Variants in TBC1D22A observed in about 807,000 individuals in gnomAD.
TBC1D22A encodes the protein putative GTPase activator.
A neutral mutation model predicts 60.2 loss-of-function variants in TBC1D22A; 38 were observed. That is an observed-to-expected ratio of 0.63 (90% CI 0.49 to 0.83). The LOEUF (loss-of-function observed/expected upper bound fraction) is 0.83, where lower values mean the gene tolerates loss of function less well. TBC1D22A is among the 40% of genes least tolerant of loss of function. The pLI, the probability that TBC1D22A is intolerant of heterozygous loss-of-function variation, is 0.00. For synonymous variants in TBC1D22A, 302 were observed against 281.7 expected, an observed-to-expected ratio of 1.07 and a Z score of -0.72; for missense variants, 628 against 701.0, an observed-to-expected ratio of 0.90 and a Z score of 1.18.
At chr22:46,897,376 G>C (rs1041275939) in intron 7 of TBC1D22A, among the ~76,000 whole-genome samples, 14 of 152,156 alleles carry the variant, frequency 9.2e-5, no homozygotes, top group African/African-American at 3.4e-4. Context: ...CGACCAATGA[G>C]AGGCTGAAGT....
chr22:47,139,700 G>C (rs2067008285), intron 12 of TBC1D22A, among the ~76,000 whole-genome samples: 1 of 152,228 alleles, frequency 6.6e-6, no homozygotes, highest in African/African-American at 2.4e-5. Context: ...GCGGTGTCCT[G>C]GCCGGGGAGG....
At chr22:47,031,596 G>A (rs1319338480) in intron 10 of TBC1D22A, among the ~76,000 whole-genome samples, 1 of 152,220 alleles carries the variant, frequency 6.6e-6, no homozygotes, top group Non-Finnish European at 1.5e-5. Flanking sequence ...GAGATGCAAG[G>A]GTGGGTCCAT....
At chr22:46,869,540 C>T (rs1246645467) in intron 4 of TBC1D22A, among the ~76,000 whole-genome samples, 1 of 152,186 alleles carries the variant, frequency 6.6e-6, no homozygotes, top group Non-Finnish European at 1.5e-5. Flanking sequence ...TGCCCAGAGG[C>T]AGCTTACACA....
At chr22:46,828,850 C>G (rs964464091) in intron 4 of TBC1D22A, among the ~76,000 whole-genome samples, 1 of 152,242 alleles carries the variant, frequency 6.6e-6, no homozygotes, top group African/African-American at 2.4e-5. Context: ...CACGCCCTCA[C>G]GTTGAGCGCT....
At chr22:47,006,126 G>A (rs2061584868) in intron 10 of TBC1D22A, among the ~76,000 whole-genome samples, 1 of 152,164 alleles carries the variant, frequency 6.6e-6, no homozygotes, top group African/African-American at 2.4e-5. Context: ...GGCTATTTAT[G>A]TTTCCATATT....
At chr22:46,998,243 G>A (rs1054010982) in intron 10 of TBC1D22A, among the ~76,000 whole-genome samples, 3 of 152,094 alleles carry the variant, frequency 2.0e-5, no homozygotes, top group Non-Finnish European at 4.4e-5. Flanking sequence ...TCCCCCCTGC[G>A]ATGTGCTGAC....
Position 47,056,417 on chromosome 22 carries a change from C to T in TBC1D22A, c.1329+19219C>T, listed in dbSNP as rs535736181. On this transcript the variant is annotated intron_variant, in intron 11 of 12. Transcript: ENST00000337137. ...TTTGACTTCACCATGGAGCCCTGAG[C>T]GATATCCTTCAGAATGAGCCTGCGC... Among the ~76,000 whole-genome samples the T allele has an allele frequency of 9.5e-4, 145 of 152,216 alleles. 1 individual carries two copies. The highest frequency in any genetic ancestry group is 3.3e-3 in the African/African-American group (137 of 41,524).
At chr22:46,812,116 C>T (rs892134361) in intron 4 of TBC1D22A, among the ~76,000 whole-genome samples, 1 of 152,092 alleles carries the variant, frequency 6.6e-6, no homozygotes, top group Admixed American at 6.6e-5. Flanking sequence ...GTTAATCGGG[C>T]TTCTGGTGCT....
chr22:47,164,247 G>A (rs554148877), intron 12 of TBC1D22A, among the ~76,000 whole-genome samples: 58 of 152,354 alleles, frequency 3.8e-4, no homozygotes, highest in Middle Eastern at 3.4e-3. Context: ...ACACTCTGCC[G>A]GCTCCTTAGA....
chr22:47,124,740 T>TG (rs1344835599), intron 12 of TBC1D22A, among the ~76,000 whole-genome samples: 1 of 151,736 alleles, frequency 6.6e-6, no homozygotes, highest in African/African-American at 2.4e-5. Flanking sequence ...GGAGGAGCGT[T>TG]GGGCCTTCAG....
Position 47,119,063 on chromosome 22 carries a change from C to T in TBC1D22A, c.1425+7460C>T, listed in dbSNP as rs550651060. ...ACTTGGGAGGCTGAGGCAGGAGAATCGTTTGAACCAGGGAGGCAGAGGTTG... is the reference window on the plus strand; with the variant it reads ...ACTTGGGAGGCTGAGGCAGGAGAATTGTTTGAACCAGGGAGGCAGAGGTTG... On this transcript the variant is annotated intron_variant, in intron 12 of 12. Coordinates refer to ENST00000337137, the MANE Select transcript of TBC1D22A (RefSeq NM_014346.5). 9.2e-5 allele frequency among the ~76,000 whole-genome samples: 14 copies of T among 152,222 alleles called. No homozygotes were observed. In the East Asian group the frequency reaches 2.3e-3, roughly 25 times the overall value.
intron 9 of TBC1D22A, among the ~76,000 whole-genome samples, chr22:46,982,246 A>G (rs1388362195): frequency 7.1e-6 from 1 of 140,182 alleles, no homozygotes; most frequent in East Asian, 2.1e-4. Context: ...TTTTTTTGAG[A>G]TGGAGTCTTA....
intron 12 of TBC1D22A, among the ~76,000 whole-genome samples, chr22:47,154,598 C>T (rs972795146): frequency 9.2e-5 from 14 of 152,224 alleles, no homozygotes; most frequent in African/African-American, 2.4e-4. Context: ...GGGACCCCAG[C>T]AGTGCCTGTC....
chr22:47,032,094 C>T (rs549257738), intron 10 of TBC1D22A, among the ~76,000 whole-genome samples: 20 of 152,330 alleles, frequency 1.3e-4, no homozygotes, highest in Middle Eastern at 3.4e-3. Context: ...GGGGACATGC[C>T]GAGCCCCGGC....
At chr22:47,008,324 G>C (rs1410686268) in intron 10 of TBC1D22A, among the ~76,000 whole-genome samples, 1 of 152,196 alleles carries the variant, frequency 6.6e-6, no homozygotes, top group Non-Finnish European at 1.5e-5. Context: ...CCTTTTCTCA[G>C]CCCTCTCCAT....
rs991593152 is a variant in TBC1D22A at position 46,830,970 on chromosome 22, G to C, written c.637+33350G>C. Among the ~76,000 whole-genome samples, 7 of 152,262 alleles carry C rather than the reference G, an allele frequency of 4.6e-5. No homozygotes were observed. The East Asian group carries it at 1.4e-3, about 29-fold the overall frequency. On this transcript the variant is annotated intron_variant, in intron 4 of 12. Coordinates refer to ENST00000337137, the MANE Select transcript of TBC1D22A (RefSeq NM_014346.5). ...GAGTCAGAGAATCTAGTGACTGGTG[G>C]TGTGAGGGAGCCTCAGGGTCCCAGT...
intron 12 of TBC1D22A, among the ~76,000 whole-genome samples, chr22:47,155,884 T>C (rs6008046): frequency 0.59 from 90,038 of 152,178 alleles, 29,449 homozygotes; most frequent in East Asian, 0.75. Context: ...TAAAAGGGCA[T>C]TGAGTGTGAT....
Position 47,028,353 on chromosome 22 carries a change from C to T in TBC1D22A, c.1202-8718C>T, listed in dbSNP as rs1245669010. Among the ~76,000 whole-genome samples the T allele has an allele frequency of 2.0e-5, 3 of 151,814 alleles. No homozygotes were observed. The East Asian group carries it at 5.8e-4, about 29-fold the overall frequency. ...GTCCCTCGGTCCCTGTCCCCCACGGCCCAGGTTCTGAGAGTGAGTGGTCGC... is the reference window on the plus strand; with the variant it reads ...GTCCCTCGGTCCCTGTCCCCCACGGTCCAGGTTCTGAGAGTGAGTGGTCGC... On this transcript the variant is annotated intron_variant, in intron 10 of 12. Transcript: ENST00000337137. The surrounding 1 kb of genome is among the most constrained non-coding windows in gnomAD (Gnocchi z 4.4).
chr22:47,155,213 G>GA (rs1172010290), intron 12 of TBC1D22A, among the ~76,000 whole-genome samples: 2 of 134,164 alleles, frequency 1.5e-5, no homozygotes, highest in Admixed American at 6.9e-5. Context: ...TTCCTTTTTT[G>GA]GAAAAAAAAA....
Sources: gnomAD v4.1 joint callset for allele counts (sites outside exome capture counted in the v4.1 genomes callset) on GRCh38, gnomAD v4.1.1 for gene constraint, Gnocchi (gnomAD v3.1) non-coding constraint, MANE v1.5 for transcripts, NCBI Gene and HGNC (gene_info 2026-07-23, HGNC 2026-07-21) for gene names.